PLA2G4B: variants seen among roughly 807,000 people sequenced by gnomAD.
The protein encoded by PLA2G4B is cytosolic phospholipase A2 beta.
A neutral mutation model predicts 95.8 loss-of-function variants in PLA2G4B; 122 were observed. The ratio of observed to expected loss-of-function variants is 1.27; its 90% CI spans 1.10 to 1.48. The LOEUF is 1.48. Among genes scored for constraint, PLA2G4B ranks in the 40% most tolerant of loss-of-function variants. The pLI is 0.00. For missense variants in PLA2G4B, 1,158 were observed against 996.2 expected, an observed-to-expected ratio of 1.16 and a Z score of -2.19; for synonymous variants, 518 against 421.5, an observed-to-expected ratio of 1.23 and a Z score of -2.80.
chr15:41,844,680 T>C, intron 12 of PLA2G4B, 73 bp downstream of exon 12: 2 of 1,607,452 alleles, frequency 1.2e-6, no homozygotes, highest in Non-Finnish European at 1.7e-6. Context: ...CCTAGGCCTC[T>C]GAGAAAACTA....
At chr15:41,842,745 A>T in intron 10 of PLA2G4B, 154 bp downstream of exon 10, 1 of 1,211,470 alleles carries the variant, frequency 8.3e-7, no homozygotes. Flanking sequence ...GGCACGAAGT[A>T]CTGGGAGGAG....
rs112791822 is a variant in PLA2G4B at position 41,847,704 on chromosome 15, G to A, written c.2190G>A (p.Ser730=). ...AAAGEVNLSS[S]DSPYHYTKVT... is the part of the protein sequence containing the mutation. ...CTGGGGAGGTGAACCTGTCTTCATCGGACTCTCCCTACCACTACACGAAGG... is the reference window on the plus strand; with the variant it reads ...CTGGGGAGGTGAACCTGTCTTCATCAGACTCTCCCTACCACTACACGAAGG... Residue 730 remains serine (S), a synonymous_variant, in exon 20 of 20, where the codon TCG becomes TCA. Coordinates refer to ENST00000458483, the MANE Select transcript of PLA2G4B (RefSeq NM_001114633.2). 3.9e-4 allele frequency: 632 copies of A among 1,613,600 alleles called. 1 individual carries two copies. In the African/African-American group the frequency reaches 7.1e-3, roughly 18 times the overall value.
intron 6 of PLA2G4B, 64 bp from the exon 7 acceptor site, chr15:41,841,453 G>T (rs1186262964): frequency 7.4e-6 from 12 of 1,612,668 alleles, no homozygotes; most frequent in Non-Finnish European, 1.0e-5. Context: ...CCAGGGTGCT[G>T]CGAGGGTGGG....
chr15:41,847,205 G>C, intron 18 of PLA2G4B, 132 bp from the exon 19 acceptor site: 1 of 1,386,178 alleles, frequency 7.2e-7, no homozygotes, highest in South Asian at 1.5e-5. Flanking sequence ...TTTTTCCAAC[G>C]ACTGGCTTCA....
At chr15:41,840,495 C>T (rs370005980) in intron 2 of PLA2G4B, 29 bp from the exon 3 acceptor site, 75 of 1,612,898 alleles carry the variant, frequency 4.7e-5, no homozygotes, top group Non-Finnish European at 5.8e-5. Context: ...GGCTCTTGTC[C>T]ACCGCTGGGC....
rs142053681 is a variant in PLA2G4B, at chr15:41,840,572, G to A, written c.131G>A (p.Ser44Asn). ...ACTCTCTGGCTGCCCACGGCCTGCA[G>A]CCACAGGCTCCAGACACGCACGGTC... is the stretch of plus-strand genomic sequence containing the variant. The part of the protein sequence containing the change: ...YVTLWLPTAC[S>N]HRLQTRTVKN... Residue 44 changes from serine (S) to asparagine (N), a missense_variant, in exon 3 of 20, where the codon AGC becomes AAC. Coordinates refer to ENST00000458483, the MANE Select transcript of PLA2G4B (RefSeq NM_001114633.2). 73 of 1,613,826 alleles carry A rather than the reference G, an allele frequency of 4.5e-5. No homozygotes were observed. In the African/African-American group the frequency reaches 9.1e-4, roughly 20 times the overall value.
Position 41,845,189 on chromosome 15 carries a change from G to T in PLA2G4B, c.1240-14G>T. On this transcript the variant is annotated splice_polypyrimidine_tract_variant and intron_variant, in intron 13 of 19. Transcript: ENST00000458483. ...AGGCCGCTGTGGGTTTAGGTTCTAC[G>T]CATCTTTCCCCAGCCCCATGATCAC... The T allele has an allele frequency of 6.2e-7, 1 of 1,614,046 alleles. No homozygotes were observed. Among genetic ancestry groups the T allele is most frequent in the South Asian group, 1.1e-5 (1 of 91,054 alleles).
chr15:41,839,212 GA>G (rs1475131958), intron 1 of PLA2G4B: 1 of 326,474 alleles, frequency 3.1e-6, no homozygotes, highest in East Asian at 6.4e-5. Flanking sequence ...TGAGGCCCTG[GA>G]AGCAAGTGGC....
chr15:41,838,965 T>C, intron 1 of PLA2G4B, 43 bp downstream of exon 1: 1 of 1,514,032 alleles, frequency 6.6e-7, no homozygotes, highest in Non-Finnish European at 9.0e-7. Context: ...GGACCCCTGG[T>C]CTCTACCTGG....
chr15:41,840,289 A>T, intron 2 of PLA2G4B, 59 bp downstream of exon 2: 3 of 1,590,710 alleles, frequency 1.9e-6, no homozygotes, highest in Non-Finnish European at 2.6e-6. Flanking sequence ...GGTGCTGAGG[A>T]GGAGGGTGCT....
At position 41,842,604 on chromosome 15, in the gene PLA2G4B, G is replaced by C. The variant is rs1350878452; in HGVS notation, c.743+13G>C. ...AAAAAGAAGCAGGGTGAGAGGCCTG[G>C]CTGGGGACTGGGCAAGGCCCTGGAA... is the stretch of plus-strand genomic sequence containing the variant. On this transcript the variant is annotated intron_variant, in intron 10 of 19. Transcript: ENST00000458483. 6.2e-7 allele frequency: 1 copy of C among 1,608,742 alleles called. No individual in the cohort carries two copies. The highest frequency in any genetic ancestry group is 1.1e-5 in the South Asian group (1 of 90,616).
rs762998174 is a variant in PLA2G4B, at chr15:41,845,957, C to T, written c.1510C>T (p.Leu504=). Residue 504 remains leucine, a synonymous_variant, in exon 16 of 20, where the codon CTG becomes TTG. Transcript: ENST00000458483. ...ICFLEGIWSN[L]YAANLQDSLY... ...CGCTCTTTCAGGTATCTGGAGCAAC[C>T]TGTATGCAGCCAACCTCCAGGACAG... 4.6e-6 allele frequency: 7 copies of T among 1,515,268 alleles called. No homozygotes were observed. The African/African-American group carries it at 5.6e-5, about 12-fold the overall frequency. 93.9% of individuals were successfully genotyped at this position (1,515,268 alleles called of 1,614,324 possible). A position where few individuals can be genotyped will look rare whatever the true frequency, so the allele number is the denominator to read the frequency against.
intron 2 of PLA2G4B, 59 bp from the exon 3 acceptor site, chr15:41,840,445 TCTAGGTGATGGAAGGAAGTG>T: frequency 1.2e-6 from 2 of 1,607,740 alleles, no homozygotes; most frequent in Admixed American, 3.3e-5. Flanking sequence ...CACATGGGGC[TCTAGGTGATGGAAGGAAGTG>T]GGTCTGGGCG....
chr15:41,841,950 G>T lies in PLA2G4B; in HGVS notation c.621+1G>T, dbSNP rs1458564076. 6.2e-7 allele frequency: 1 copy of T among 1,610,654 alleles called. No individual in the cohort carries two copies. Among genetic ancestry groups the T allele is most frequent in the Admixed American group, 1.7e-5 (1 of 59,924 alleles). On this transcript the variant is annotated splice_donor_variant, in intron 8 of 19. Coordinates refer to ENST00000458483, the MANE Select transcript of PLA2G4B (RefSeq NM_001114633.2). LOFTEE classifies it high-confidence loss of function. Reference sequence around the variant, plus strand: ...GCAGGAGCTGAGTATTCGCCTGCAGGTAGTGTGCCTCGCTCCCTCGAGGTG... The same window carrying T: ...GCAGGAGCTGAGTATTCGCCTGCAGTTAGTGTGCCTCGCTCCCTCGAGGTG...
At position 41,847,668 on chromosome 15, in the gene PLA2G4B, G is replaced by A; in HGVS notation, c.2154G>A (p.Glu718=). 6.2e-7 allele frequency: 1 copy of A among 1,613,662 alleles called. No individual in the cohort carries two copies. The highest frequency in any genetic ancestry group is 8.5e-7 in the Non-Finnish European group (1 of 1,180,028). The part of the protein sequence containing the change: ...YSAPGVRRTP[E]EAAAGEVNLS... ...CCACAGGGGTCCGGCGGACACCCGA[G>A]GAGGCGGCAGCTGGGGAGGTGAACC... is the stretch of plus-strand genomic sequence containing the variant. Residue 718 remains glutamate, a synonymous_variant, in exon 20 of 20, where the codon GAG becomes GAA. Transcript: ENST00000458483.
At chr15:41,846,609 C>G (rs1180888508) in intron 17 of PLA2G4B, 60 bp from the exon 18 acceptor site, 2 of 1,548,370 alleles carry the variant, frequency 1.3e-6, no homozygotes, top group African/African-American at 2.7e-5. Flanking sequence ...GTCTCTCCTT[C>G]CAGCAGGAAT....
intron 4 of PLA2G4B, 61 bp downstream of exon 4, chr15:41,840,966 A>G: frequency 6.3e-7 from 1 of 1,588,970 alleles, no homozygotes; most frequent in Non-Finnish European, 8.6e-7. Flanking sequence ...CCACGCGCAC[A>G]CATGCACACA....
intron 9 of PLA2G4B, 41 bp from the exon 10 acceptor site, chr15:41,842,513 G>A: frequency 2.5e-6 from 4 of 1,611,704 alleles, no homozygotes; most frequent in Non-Finnish European, 3.4e-6. Flanking sequence ...GCTGGGTGGA[G>A]GTGGCCGACC....
In PLA2G4B at chr15:41,843,655, GTC is replaced by G. The variant is rs1428688847; in HGVS notation, c.744-17_744-16del. 1 of 1,611,296 alleles carries G rather than the reference GTC, an allele frequency of 6.2e-7. No individual in the cohort carries two copies. Among genetic ancestry groups the G allele is most frequent in the Non-Finnish European group, 8.5e-7 (1 of 1,178,220 alleles). ...GGGGAGGGTTGAGAGCTGTCTCACA[GTC>G]TCTTCCTTCCCCGGCCAGACTGAGG... is the stretch of plus-strand genomic sequence containing the variant. On this transcript the variant is annotated intron_variant, in intron 10 of 19. Coordinates refer to ENST00000458483, the MANE Select transcript of PLA2G4B (RefSeq NM_001114633.2).
Sources: allele counts gnomAD v4.1 joint callset, GRCh38; gene constraint gnomAD v4.1.1; transcripts MANE v1.5; gene names NCBI Gene and HGNC (gene_info 2026-07-23, HGNC 2026-07-21).